OPRPN: variants seen among roughly 807,000 people sequenced by gnomAD.
OPRPN encodes the protein opiorphin prepropeptide.
In OPRPN, 1 loss-of-function variant was observed where a neutral mutation model predicts 2.2. That is an observed-to-expected ratio of 0.45 (90% CI 0.16 to 2.15). The LOEUF (loss-of-function observed/expected upper bound fraction) is 2.15, where lower values mean the gene tolerates loss of function less well. Among genes scored for constraint, OPRPN ranks in the 30% most tolerant of loss-of-function variants. The pLI, the probability that OPRPN is intolerant of heterozygous loss-of-function variation, is 0.28. For synonymous variants in OPRPN, 126 were observed against 111.5 expected (o/e 1.13, Z -0.82); for missense variants, 306 against 297.3 (o/e 1.03, Z -0.21).
chr4:70,399,232 G>A (rs577277937), intron 1 of OPRPN, 39 bp from the exon 2 acceptor site: 40 of 1,446,680 alleles, frequency 2.8e-5, no homozygotes, highest in South Asian at 6.2e-5. Flanking sequence ...ACTGTTGATC[G>A]ATTTGGCTAA....
At position 70,410,050 on chromosome 4, in the gene OPRPN, A is replaced by G. The variant is rs1241342675; in HGVS notation, c.722A>G (p.Gln241Arg). 6.4e-7 allele frequency: 1 copy of G among 1,558,886 alleles called. No homozygotes were observed. The highest frequency in any genetic ancestry group is 8.7e-7 in the Non-Finnish European group (1 of 1,154,812). Reference sequence around the variant, plus strand: ...AGCCCAGCCTTTAAAAGTTTTTGGCAAAAACTCTTTGCCATTTTTGGTTGA... The same window carrying G: ...AGCCCAGCCTTTAAAAGTTTTTGGCGAAAACTCTTTGCCATTTTTGGTTGA... ...LSSPAFKSFW[Q>R]KLFAIFG Residue 241 changes from glutamine (Q) to arginine (R), a missense_variant, in exon 3 of 3, where the codon CAA becomes CGA. Coordinates refer to ENST00000399575, the MANE Select transcript of OPRPN (RefSeq NM_021225.5).
chr4:70,401,180 T>C (rs1732978060), intron 2 of OPRPN, among the ~76,000 whole-genome samples: 1 of 152,062 alleles, frequency 6.6e-6, no homozygotes, highest in South Asian at 2.1e-4. Flanking sequence ...ATCCCATTTA[T>C]ATAAGAAGCA....
Position 70,409,416 on chromosome 4 carries a change from C to G in OPRPN, c.88C>G (p.Leu30Val). ...TCAAAGATTCTCCAGAAGACCATAT[C>G]TACCTGGCCAGCTGCCACCACCTCC... ...ESQRFSRRPY[L>V]PGQLPPPPLY... Residue 30 changes from leucine (L) to valine (V), a missense_variant, in exon 3 of 3, where the codon CTA (leucine) becomes GTA (valine). Coordinates refer to ENST00000399575, the MANE Select transcript of OPRPN (RefSeq NM_021225.5). 1 of 1,613,458 alleles carries G rather than the reference C, an allele frequency of 6.2e-7. No individual in the cohort carries two copies. The highest frequency in any genetic ancestry group is 1.3e-5 in the African/African-American group (1 of 75,020).
intron 2 of OPRPN, among the ~76,000 whole-genome samples, chr4:70,409,020 C>T (rs898633043): frequency 5.3e-5 from 8 of 152,168 alleles, no homozygotes; most frequent in African/African-American, 1.9e-4. Context: ...GATAGTCAAC[C>T]TGGGTATTTA....
intron 2 of OPRPN, among the ~76,000 whole-genome samples, chr4:70,408,965 G>A (rs1330227989): frequency 6.6e-6 from 1 of 152,176 alleles, no homozygotes; most frequent in East Asian, 1.9e-4. Context: ...TCAGAGTCTG[G>A]AATCTCACTG....
chr4:70,408,466 TC>T (rs1425332613), intron 2 of OPRPN, among the ~76,000 whole-genome samples: 4 of 152,210 alleles, frequency 2.6e-5, no homozygotes, highest in South Asian at 2.1e-4. Flanking sequence ...AAAATTTTCA[TC>T]TAAATTACTA....
rs75589719 is a variant in OPRPN, at chr4:70,403,342, A to G, written c.51+4006A>G. On this transcript the variant is annotated intron_variant, in intron 2 of 2. Transcript: ENST00000399575. ...CTGAGGTAGCTTGAAAGCAGCTACA[A>G]TAAACGAATGGGCATGGTTATGTTC... 8.0e-3 allele frequency among the ~76,000 whole-genome samples: 1,224 copies of G among 152,326 alleles called. 13 individuals carry two copies. The highest frequency in any genetic ancestry group is 0.02 in the African/African-American group (838 of 41,584).
In OPRPN at chr4:70,409,506, C is replaced by T; in HGVS notation, c.178C>T (p.Pro60Ser). The change falls in exon 3 of 3, where the codon CCA becomes TCA. Residue 60 changes from proline to serine, a missense_variant. Physicochemically the swap from Pro to Ser is moderately conservative, Grantham distance 74. Transcript: ENST00000399575. ...PPPYDSRLNS[P>S]LSLPFVPGRV... Reference sequence around the variant, plus strand: ...TCCCTATGACTCAAGACTTAATTCACCACTTTCTCTTCCCTTTGTCCCAGG... The same window carrying T: ...TCCCTATGACTCAAGACTTAATTCATCACTTTCTCTTCCCTTTGTCCCAGG... 2 of 1,613,958 alleles carry T rather than the reference C, an allele frequency of 1.2e-6. No individual in the cohort carries two copies. Among genetic ancestry groups the T allele is most frequent in the Non-Finnish European group, 1.7e-6 (2 of 1,179,908 alleles).
At chr4:70,408,058 AAC>A (rs747003135) in intron 2 of OPRPN, among the ~76,000 whole-genome samples, 1 of 152,184 alleles carries the variant, frequency 6.6e-6, no homozygotes, top group Non-Finnish European at 1.5e-5. Flanking sequence ...GCACCAGACA[AAC>A]ACAGACACTA....
chr4:70,399,559 A>G, intron 2 of OPRPN: 1 of 444,268 alleles, frequency 2.3e-6, no homozygotes, highest in East Asian at 3.4e-5. Flanking sequence ...GGAAGAGGAC[A>G]CAGGGCAGGT....
At chr4:70,408,412 A>G (rs987952334) in intron 2 of OPRPN, among the ~76,000 whole-genome samples, 2 of 152,154 alleles carry the variant, frequency 1.3e-5, no homozygotes, top group African/African-American at 4.8e-5. Context: ...TTCAAATGCC[A>G]TCTTCTCTAC....
At chr4:70,399,232 G>C in intron 1 of OPRPN, 39 bp from the exon 2 acceptor site, 1 of 1,446,680 alleles carries the variant, frequency 6.9e-7, no homozygotes, top group Non-Finnish European at 9.5e-7. Context: ...ACTGTTGATC[G>C]ATTTGGCTAA....
chr4:70,402,089 A>T (rs772858147), intron 2 of OPRPN, among the ~76,000 whole-genome samples: 32 of 152,160 alleles, frequency 2.1e-4, no homozygotes, highest in Non-Finnish European at 4.3e-4. Context: ...GCCTGAACTA[A>T]ACCAACGATA....
intron 2 of OPRPN, among the ~76,000 whole-genome samples, chr4:70,403,722 C>A (rs758695753): frequency 5.9e-5 from 9 of 151,978 alleles, no homozygotes; most frequent in Non-Finnish European, 8.8e-5. Context: ...ATTCACATAA[C>A]TTGTGAATGG....
In OPRPN at chr4:70,409,723, C is replaced by G; in HGVS notation, c.395C>G (p.Ala132Gly). Residue 132 changes from alanine (A) to glycine (G), a missense_variant, in exon 3 of 3, where the codon GCT becomes GGT. Ala to Gly is a moderately conservative substitution (Grantham distance 60, BLOSUM62 0). Coordinates refer to ENST00000399575, the MANE Select transcript of OPRPN (RefSeq NM_021225.5). ...TTTCCTCCTATTCCTTTTTTTCTTG[C>G]TATTTACCTTCCTATCTCTAACCCT... ...PPFPPIPFFL[A>G]IYLPISNPEP... The G allele has an allele frequency of 6.2e-7, 1 of 1,613,022 alleles. No homozygotes were observed. Among genetic ancestry groups the G allele is most frequent in the Non-Finnish European group, 8.5e-7 (1 of 1,179,328 alleles).
rs200800377 is a variant in OPRPN at position 70,410,062 on chromosome 4, C to A, written c.734C>A (p.Ala245Asp). The change falls in exon 3 of 3, where the codon GCC becomes GAC. Residue 245 changes from alanine to aspartate, a missense_variant. Physicochemically the swap from Ala to Asp is moderately radical, Grantham distance 126. Transcript: ENST00000399575. Reference sequence around the variant, plus strand: ...AAAAGTTTTTGGCAAAAACTCTTTGCCATTTTTGGTTGAACATGCAATAAA... The same window carrying A: ...AAAAGTTTTTGGCAAAAACTCTTTGACATTTTTGGTTGAACATGCAATAAA... ...AFKSFWQKLF[A>D]IFG 15 of 1,550,504 alleles carry A rather than the reference C, an allele frequency of 9.7e-6. No homozygotes were observed. Among genetic ancestry groups the A allele is most frequent in the African/African-American group, 2.8e-5 (2 of 72,376 alleles).
chr4:70,406,499 A>G (rs1690064703), intron 2 of OPRPN, among the ~76,000 whole-genome samples: 3 of 152,218 alleles, frequency 2.0e-5, no homozygotes, highest in Admixed American at 6.5e-5. Context: ...TATTTTCTGT[A>G]CAATTCTTTT....
chr4:70,408,839 G>C (rs1344241786), intron 2 of OPRPN, among the ~76,000 whole-genome samples: 1 of 152,136 alleles, frequency 6.6e-6, no homozygotes, highest in East Asian at 1.9e-4. Flanking sequence ...GCCTTGTATT[G>C]TCATTGGAGG....
chr4:70,402,759 G>C (rs1413156153), intron 2 of OPRPN, among the ~76,000 whole-genome samples: 1 of 151,874 alleles, frequency 6.6e-6, no homozygotes, highest in South Asian at 2.1e-4. Context: ...CCTGAAGTGG[G>C]TGAAAAAGCC....
Sources: gnomAD v4.1 joint callset for allele counts (sites outside exome capture counted in the v4.1 genomes callset) on GRCh38, gnomAD v4.1.1 for gene constraint, MANE v1.5 for transcripts, NCBI Gene and HGNC (gene_info 2026-07-23, HGNC 2026-07-21) for gene names.